The following KLHL1 variants were observed in gnomAD, a reference collection of about 807,000 sequenced individuals.
The protein encoded by KLHL1 is kelch-like protein 1.
In KLHL1, 47 loss-of-function variants were observed where a neutral mutation model predicts 77.7. The ratio of observed to expected loss-of-function variants is 0.60; its 90% CI spans 0.48 to 0.77. KLHL1 has a LOEUF of 0.77. KLHL1 is among the 30% of genes least tolerant of loss of function. The probability of loss-of-function intolerance (pLI) is 0.00; values close to 1 mark genes in which losing one functional copy is unlikely to be tolerated. For synonymous variants in KLHL1, 360 were observed against 325.2 expected (o/e 1.11, Z -1.15); for missense variants, 925 against 910.8 (o/e 1.02, Z -0.20).
intron 7 of KLHL1, among the ~76,000 whole-genome samples, chr13:69,786,186 C>T (rs1242660804): frequency 6.6e-6 from 1 of 152,166 alleles, no homozygotes; most frequent in African/African-American, 2.4e-5. Context: ...ATACCAAAGC[C>T]TGGCACAGAC....
At chr13:69,831,528 G>T (rs758144940) in intron 6 of KLHL1, among the ~76,000 whole-genome samples, 4 of 149,888 alleles carry the variant, frequency 2.7e-5, no homozygotes, top group Admixed American at 6.7e-5. Flanking sequence ...ATTCAAGGAA[G>T]AATTGGTACC....
At chr13:69,756,944 A>C (rs921500746) in intron 7 of KLHL1, among the ~76,000 whole-genome samples, 1 of 152,112 alleles carries the variant, frequency 6.6e-6, no homozygotes, top group Non-Finnish European at 1.5e-5. Flanking sequence ...TTTTTTTGTA[A>C]TTAAACAGAA....
chr13:70,060,045 T>A (rs1000186018), intron 1 of KLHL1, among the ~76,000 whole-genome samples: 1 of 152,098 alleles, frequency 6.6e-6, no homozygotes, highest in African/African-American at 2.4e-5. Context: ...GATAAAGGAT[T>A]AACAAGACAG....
intron 1 of KLHL1, among the ~76,000 whole-genome samples, chr13:70,075,571 A>ATG (rs1887243602): frequency 3.2e-5 from 1 of 31,208 alleles, no homozygotes; most frequent in African/African-American, 1.3e-4. Context: ...GTGTATGTGT[A>ATG]TATATATATA....
intron 7 of KLHL1, among the ~76,000 whole-genome samples, chr13:69,794,857 G>A (rs1877034430): frequency 2.0e-5 from 3 of 151,996 alleles, no homozygotes. Context: ...TTACCTCTCA[G>A]GAAAGGATAA....
intron 4 of KLHL1, among the ~76,000 whole-genome samples, chr13:69,920,406 C>T (rs1337231959): frequency 6.6e-6 from 1 of 151,888 alleles, no homozygotes; most frequent in Non-Finnish European, 1.5e-5. Context: ...AGGCAGTACC[C>T]AATAAAATGG....
intron 8 of KLHL1, among the ~76,000 whole-genome samples, chr13:69,723,875 C>T (rs1032794355): frequency 6.3e-5 from 9 of 142,190 alleles, no homozygotes; most frequent in African/African-American, 2.4e-4. Context: ...CGGAGTCTTG[C>T]TTTTTTGCCC....
chr13:69,997,710 TTACA>T (rs1477695081), intron 1 of KLHL1, among the ~76,000 whole-genome samples: 2 of 147,652 alleles, frequency 1.4e-5, no homozygotes, highest in Non-Finnish European at 3.0e-5. Context: ...TACATTGATA[TTACA>T]TAAACATATG....
intron 1 of KLHL1, among the ~76,000 whole-genome samples, chr13:70,019,158 C>A (rs1885728836): frequency 6.6e-6 from 1 of 152,004 alleles, no homozygotes; most frequent in South Asian, 2.1e-4. Flanking sequence ...GAGGGCTAGG[C>A]AGAGAGAAGC....
chr13:70,038,581 A>ATTTTTTTTTTTTTTTT (rs55885952), intron 1 of KLHL1, among the ~76,000 whole-genome samples: 1 of 73,030 alleles, frequency 1.4e-5, no homozygotes, highest in Non-Finnish European at 2.4e-5. Flanking sequence ...ATTGTCATTA[A>ATTTTTTTTTTTTTTTT]TTTTTTTTTT....
At chr13:69,953,044 T>C (rs1883760712) in intron 3 of KLHL1, among the ~76,000 whole-genome samples, 1 of 151,386 alleles carries the variant, frequency 6.6e-6, no homozygotes, top group South Asian at 2.1e-4. Context: ...TAAGATAAAG[T>C]TGAATACTGT....
At chr13:69,963,068 G>A (rs9572315) in intron 2 of KLHL1, among the ~76,000 whole-genome samples, 93,930 of 151,738 alleles carry the variant, frequency 0.62, 29,136 homozygotes, top group South Asian at 0.65. Flanking sequence ...TATAATTTCA[G>A]CATTTTTTTT....
At chr13:70,042,382 T>C (rs1886397781) in intron 1 of KLHL1, among the ~76,000 whole-genome samples, 1 of 152,176 alleles carries the variant, frequency 6.6e-6, no homozygotes, top group African/African-American at 2.4e-5. Context: ...TGTATATTCT[T>C]AGAAGCCTGG....
chr13:69,841,829 C>T (rs1051270193), intron 5 of KLHL1, among the ~76,000 whole-genome samples: 1 of 151,448 alleles, frequency 6.6e-6, no homozygotes, highest in African/African-American at 2.4e-5. Flanking sequence ...CGGTATTTCT[C>T]TAAAGATAGA....
chr13:70,036,117 A>C (rs1179981595), intron 1 of KLHL1, among the ~76,000 whole-genome samples: 12 of 151,982 alleles, frequency 7.9e-5, no homozygotes, highest in Non-Finnish European at 1.5e-4. Flanking sequence ...TTGCTTTTAT[A>C]CTTTTATTTT....
At chr13:69,970,954 A>C (rs2137284901) in intron 2 of KLHL1, among the ~76,000 whole-genome samples, 1 of 152,238 alleles carries the variant, frequency 6.6e-6, no homozygotes, top group African/African-American at 2.4e-5. Context: ...GGATTAACCA[A>C]AACAGCTTCT....
At chr13:69,713,464 GT>G (rs1875973336) in intron 9 of KLHL1, among the ~76,000 whole-genome samples, 1 of 151,880 alleles carries the variant, frequency 6.6e-6, no homozygotes, top group African/African-American at 2.4e-5. Context: ...TTCAAGTTTG[GT>G]GAGCATTTTT....
chr13:69,738,868 C>G (rs1200436081), intron 8 of KLHL1, among the ~76,000 whole-genome samples: 3 of 152,128 alleles, frequency 2.0e-5, no homozygotes, highest in Admixed American at 6.5e-5. Context: ...CTTACCAAGA[C>G]AGGCCAAAAT....
rs201880902 is a variant in KLHL1 at position 69,993,683 on chromosome 13, A to AT, written c.498-17882dup. 3.3e-3 allele frequency among the ~76,000 whole-genome samples: 499 copies of AT among 152,060 alleles called. 3 individuals carry two copies. The highest frequency in any genetic ancestry group is 0.011 in the African/African-American group (473 of 41,522). ...AGGCCTAGAGGTAGTAATGGACTCCATTTTTCTCATCTGGATGCCTTATTA... is the reference window on the plus strand; with the variant it reads ...AGGCCTAGAGGTAGTAATGGACTCCATTTTTTCTCATCTGGATGCCTTATTA... On this transcript the variant is annotated intron_variant, in intron 1 of 10. Coordinates refer to ENST00000377844, the MANE Select transcript of KLHL1 (RefSeq NM_020866.3).
Sources: gnomAD v4.1 joint callset for allele counts (sites outside exome capture counted in the v4.1 genomes callset) on GRCh38, gnomAD v4.1.1 for gene constraint, MANE v1.5 for transcripts, NCBI Gene and HGNC (gene_info 2026-07-23, HGNC 2026-07-21) for gene names.